The following ESYT2 variants were observed in gnomAD, a reference collection of about 807,000 sequenced individuals.
The protein encoded by ESYT2 is extended synaptotagmin 2.
In ESYT2, 54 loss-of-function variants were observed where a neutral mutation model predicts 107.2. The observed-to-expected ratio is 0.50, with a 90% CI of 0.40 to 0.63. The LOEUF is 0.63. Ranked by LOEUF, ESYT2 falls within the 30% of genes least tolerant of loss-of-function variation. The pLI, the probability that ESYT2 is intolerant of heterozygous loss-of-function variation, is 0.00. For missense variants in ESYT2, 1,020 were observed against 1,094.5 expected (o/e 0.93, Z 0.96); for synonymous variants, 491 against 434.1 (o/e 1.13, Z -1.63).
chr7:158,813,036 A>G (rs762259735), intron 1 of ESYT2, among the ~76,000 whole-genome samples: 4 of 152,254 alleles, frequency 2.6e-5, no homozygotes, highest in Non-Finnish European at 5.9e-5. Flanking sequence ...TAAAGGTAGT[A>G]AATGGCACTG....
At chr7:158,758,366 C>T (rs550700719) in intron 13 of ESYT2, among the ~76,000 whole-genome samples, 3 of 152,288 alleles carry the variant, frequency 2.0e-5, no homozygotes, top group South Asian at 4.2e-4. Flanking sequence ...GCGTGCATAT[C>T]GTGAACTATG....
intron 1 of ESYT2, among the ~76,000 whole-genome samples, chr7:158,813,348 T>C (rs7787431): frequency 0.13 from 20,313 of 152,188 alleles, 1,578 homozygotes; most frequent in African/African-American, 0.22. Flanking sequence ...CATGCCATTA[T>C]CCATTTGTCA....
chr7:158,829,294 C>T lies in ESYT2; in HGVS notation c.125G>A (p.Arg42Gln). Residue 42 changes from arginine to glutamine, a missense_variant, in exon 1 of 23, where the codon CGG becomes CAG. Transcript: ENST00000275418. ...CACGGGCAGCAGCAGCGCGAAGCTC[C>T]GCGCCAGCTGCGCCAGCAGCCCGGG... Reference protein sequence around the residue: ...ELPGLLAQLARSFALLLPVYA... With the variant: ...ELPGLLAQLAQSFALLLPVYA... 6.6e-7 allele frequency: 1 copy of T among 1,509,582 alleles called. No individual in the cohort carries two copies. The highest frequency in any genetic ancestry group is 8.8e-7 in the Non-Finnish European group (1 of 1,137,724). 93.5% of individuals were successfully genotyped at this position (1,509,582 alleles called of 1,614,324 possible).
intron 1 of ESYT2, among the ~76,000 whole-genome samples, chr7:158,804,489 C>T (rs1402881681): frequency 2.1e-3 from 296 of 141,606 alleles, no homozygotes; most frequent in East Asian, 7.4e-3. Flanking sequence ...AAGGGTGAGG[C>T]GCGTGACAAA....
At chr7:158,795,581 C>T (rs900840207) in intron 3 of ESYT2, among the ~76,000 whole-genome samples, 5 of 116,162 alleles carry the variant, frequency 4.3e-5, no homozygotes, top group Non-Finnish European at 9.2e-5. Context: ...GCAGCCCCTG[C>T]GGCCACGTAC....
chr7:158,777,011 C>T (rs956255364), intron 6 of ESYT2, among the ~76,000 whole-genome samples: 4 of 151,988 alleles, frequency 2.6e-5, no homozygotes, highest in Admixed American at 1.3e-4. Flanking sequence ...CACTACTACG[C>T]CCAGCTAATT....
intron 14 of ESYT2, among the ~76,000 whole-genome samples, chr7:158,751,402 C>T (rs1183743869): frequency 6.6e-6 from 1 of 152,108 alleles, no homozygotes; most frequent in Non-Finnish European, 1.5e-5. Context: ...CTCTATGATG[C>T]AATATTCAAA....
intron 12 of ESYT2, 148 bp downstream of exon 12, chr7:158,759,908 CCT>C: frequency 1.5e-6 from 1 of 671,108 alleles, no homozygotes; most frequent in Non-Finnish European, 2.6e-6. Flanking sequence ...TTAATTTATC[CCT>C]GATGCTACTG....
chr7:158,828,953 C>A, intron 1 of ESYT2, 136 bp downstream of exon 1: 1 of 1,319,472 alleles, frequency 7.6e-7, no homozygotes, highest in East Asian at 3.0e-5. Flanking sequence ...TGGGGGACTA[C>A]GAAGGCGGGA....
chr7:158,811,236 C>T lies in ESYT2; in HGVS notation c.331-12164G>A, dbSNP rs139618399. 2.2e-3 allele frequency among the ~76,000 whole-genome samples: 330 copies of T among 152,156 alleles called. 4 individuals carry two copies. Among genetic ancestry groups the T allele is most frequent in the South Asian group, 0.021 (102 of 4,802 alleles). ...ATCTATAAAACACATACTGCTTTTA[C>T]CATGGCCCATTTATTTTAATTAGAT... On this transcript the variant is annotated intron_variant, in intron 1 of 22. Transcript: ENST00000275418.
intron 1 of ESYT2, among the ~76,000 whole-genome samples, chr7:158,816,533 T>A (rs1050713340): frequency 1.3e-5 from 2 of 152,070 alleles, no homozygotes; most frequent in African/African-American, 2.4e-5. Context: ...GCCTCCAGAG[T>A]GCACACCCTG....
chr7:158,826,890 C>A (rs1271988079), intron 1 of ESYT2, among the ~76,000 whole-genome samples: 1 of 151,004 alleles, frequency 6.6e-6, no homozygotes, highest in Non-Finnish European at 1.5e-5. Flanking sequence ...TGTGGCCGGG[C>A]GCGGTGGCTC....
At chr7:158,808,925 G>A (rs1472253280) in intron 1 of ESYT2, among the ~76,000 whole-genome samples, 3 of 152,180 alleles carry the variant, frequency 2.0e-5, no homozygotes, top group South Asian at 4.1e-4. Flanking sequence ...GCAGTGAGCC[G>A]AGACTGCGCC....
Position 158,737,053 on chromosome 7 carries a change from A to G in ESYT2, c.2394T>C (p.Asp798=). ...AGCTGGATAAAATACCGTACCTTTGATCAAACACTGGATTTAATGTTTTCT... is the reference window on the plus strand; with the variant it reads ...AGCTGGATAAAATACCGTACCTTTGGTCAAACACTGGATTTAATGTTTTCT... ...VSKKTLNPVF[D]QSFDFSVSLP... The change falls in exon 20 of 23, where the codon GAT becomes GAC. Residue 798 remains aspartate (D), a synonymous_variant. Coordinates refer to ENST00000275418, the MANE Select transcript of ESYT2 (RefSeq NM_001367773.1). The G allele has an allele frequency of 6.2e-7, 1 of 1,613,370 alleles. No homozygotes were observed. The highest frequency in any genetic ancestry group is 1.1e-5 in the South Asian group (1 of 91,066).
At chr7:158,784,649 G>A (rs1055397294) in intron 6 of ESYT2, among the ~76,000 whole-genome samples, 12 of 152,170 alleles carry the variant, frequency 7.9e-5, no homozygotes, top group Admixed American at 6.5e-5. Context: ...GCAGTCCCCT[G>A]TACACGTCAT....
chr7:158,776,746 C>T (rs1838579516), intron 6 of ESYT2, among the ~76,000 whole-genome samples: 1 of 152,200 alleles, frequency 6.6e-6, no homozygotes, highest in Admixed American at 6.5e-5. Flanking sequence ...TTCCTTCGAA[C>T]ATTTCCTTTG....
Position 158,741,570 on chromosome 7 carries a change from C to A in ESYT2, c.2121G>T (p.Leu707=). 5 of 1,605,484 alleles carry A rather than the reference C, an allele frequency of 3.1e-6. No individual in the cohort carries two copies. The highest frequency in any genetic ancestry group is 3.4e-6 in the Non-Finnish European group (4 of 1,178,912). The part of the protein sequence containing the change: ...PTPSIASDIS[L]PIATQELRQR... ...GCCGCAGCTCCTGGGTGGCGATGGGCAGCGAGATGTCCGAGGCGATGCTGG... is the reference window on the plus strand; with the variant it reads ...GCCGCAGCTCCTGGGTGGCGATGGGAAGCGAGATGTCCGAGGCGATGCTGG... The change falls in exon 18 of 23, where the codon CTG becomes CTT. Residue 707 remains leucine, a synonymous_variant. Transcript: ENST00000275418.
At chr7:158,742,035 TTAGG>T (rs1837229936) in intron 17 of ESYT2, 139 bp from the exon 18 acceptor site, 1 of 927,466 alleles carries the variant, frequency 1.1e-6, no homozygotes, top group African/African-American at 1.7e-5. Flanking sequence ...AAAGGAAAGT[TTAGG>T]TAACCAAAAT....
intron 13 of ESYT2, among the ~76,000 whole-genome samples, chr7:158,757,253 C>A (rs1425081423): frequency 6.6e-6 from 1 of 152,208 alleles, no homozygotes; most frequent in Non-Finnish European, 1.5e-5. Context: ...CCACCGCCAG[C>A]CAACTGCATT....
Sources: gnomAD v4.1 joint callset for allele counts (sites outside exome capture counted in the v4.1 genomes callset) on GRCh38, gnomAD v4.1.1 for gene constraint, MANE v1.5 for transcripts, NCBI Gene and HGNC (gene_info 2026-07-23, HGNC 2026-07-21) for gene names.